Variants in CENPF observed in about 807,000 individuals in gnomAD.
CENPF encodes the protein centromere protein F, also known as AH antigen.
Under a neutral mutation model 307.3 loss-of-function variants are expected in CENPF, and 214 were observed. That is an observed-to-expected ratio of 0.70 (90% confidence interval 0.62 to 0.78). CENPF has a LOEUF of 0.78. Ranked by LOEUF, CENPF falls within the 30% of genes least tolerant of loss-of-function variation. CENPF has a pLI of 0.00. For synonymous variants in CENPF, 1,259 were observed against 1,270.6 expected (o/e 0.99, Z 0.19); for missense variants, 3,401 against 3,483.9 (o/e 0.98, Z 0.60).
Position 214,642,848 on chromosome 1 carries a change from G to A in CENPF, c.4510G>A (p.Gly1504Arg). 1.9e-6 allele frequency: 3 copies of A among 1,614,108 alleles called. No individual in the cohort carries two copies. The change falls in exon 12 of 20, where the codon GGA becomes AGA. Residue 1504 changes from glycine to arginine, a missense_variant. Coordinates refer to ENST00000366955, the MANE Select transcript of CENPF (RefSeq NM_016343.4). ...TTACAGAGCTCTTTTAGAACAGACA[G>A]GAGATATGTCTCTTTTGAGTAATTT... is the stretch of plus-strand genomic sequence containing the variant. ...SFYRALLEQT[G>R]DMSLLSNLEG...
intron 19 of CENPF, 81 bp from the exon 20 acceptor site, chr1:214,663,510 C>A: frequency 7.4e-7 from 1 of 1,357,494 alleles, no homozygotes; most frequent in Non-Finnish European, 1.0e-6. Context: ...TAATTTAAAA[C>A]TTAGTGACAT....
At chr1:214,608,306 G>C in intron 1 of CENPF, 1 of 1,583,540 alleles carries the variant, frequency 6.3e-7, no homozygotes, top group Non-Finnish European at 8.6e-7. Flanking sequence ...CCCCAGGGTT[G>C]CCCTCACCTG....
chr1:214,652,326 CGCCTG>C (rs1658503527), intron 15 of CENPF, among the ~76,000 whole-genome samples: 1 of 151,314 alleles, frequency 6.6e-6, no homozygotes, highest in Non-Finnish European at 1.5e-5. Context: ...TGAGCCACTG[CGCCTG>C]GCCCGGTTGA....
rs996091697 is a variant in CENPF at position 214,663,600 on chromosome 1, G to A, written c.9151G>A (p.Ala3051Thr). ...GATGTTTGTGTTGCAGGTCAAAGTT[G>A]CTCAGCGGAGCCCAGTAGATTCAGG... ...GGSRSQKVKV[A>T]QRSPVDSGTI... The change falls in exon 20 of 20, where the codon GCT (alanine) becomes ACT (threonine). Residue 3051 changes from alanine (A) to threonine (T), a missense_variant. Physicochemically the swap from Ala to Thr is moderately conservative, Grantham distance 58. Coordinates refer to ENST00000366955, the MANE Select transcript of CENPF (RefSeq NM_016343.4). 2 of 1,613,974 alleles carry A rather than the reference G, an allele frequency of 1.2e-6. No individual in the cohort carries two copies. Among genetic ancestry groups the A allele is most frequent in the African/African-American group, 1.3e-5 (1 of 74,926 alleles).
At chr1:214,622,309 G>A (rs1345576104) in intron 7 of CENPF, 28 bp downstream of exon 7, 1 of 1,515,392 alleles carries the variant, frequency 6.6e-7, no homozygotes, top group African/African-American at 1.4e-5. Flanking sequence ...AATTACTGGA[G>A]AAATCTTCAT....
chr1:214,623,044 C>G (rs1003489824), intron 7 of CENPF, among the ~76,000 whole-genome samples: 40 of 152,120 alleles, frequency 2.6e-4, no homozygotes, highest in Non-Finnish European at 5.0e-4. Flanking sequence ...AACCTTGTCT[C>G]TACTACAGGT....
At chr1:214,655,654 G>A (rs1295963003) in intron 17 of CENPF, among the ~76,000 whole-genome samples, 1 of 152,170 alleles carries the variant, frequency 6.6e-6, no homozygotes, top group South Asian at 2.1e-4. Flanking sequence ...TGGGAGTGCA[G>A]TGGTGCCATT....
Position 214,618,657 on chromosome 1 carries a change from T to G in CENPF, c.444T>G (p.Ile148Met). The G allele has an allele frequency of 3.1e-6, 5 of 1,614,024 alleles. No individual in the cohort carries two copies. The highest frequency in any genetic ancestry group is 4.2e-6 in the Non-Finnish European group (5 of 1,179,952). Residue 148 changes from isoleucine (I) to methionine (M), a missense_variant, in exon 4 of 20, where the codon ATT becomes ATG. Coordinates refer to ENST00000366955, the MANE Select transcript of CENPF (RefSeq NM_016343.4). ...SLNPCNTPQK[I>M]FTTPLTPSQY... is the part of the protein sequence containing the mutation. ...ATCCATGCAATACACCACAAAAAATTTTTACAACTCCACTAACACCAAGTC... is the reference window on the plus strand; with the variant it reads ...ATCCATGCAATACACCACAAAAAATGTTTACAACTCCACTAACACCAAGTC...
intron 19 of CENPF, 140 bp from the exon 20 acceptor site, chr1:214,663,451 A>T (rs1658835699): frequency 2.3e-6 from 2 of 853,672 alleles, no homozygotes; most frequent in Admixed American, 2.5e-5. Context: ...CCTGTTCTCA[A>T]GGAAGAGGAA....
At chr1:214,638,949 C>A (rs1658032989) in intron 11 of CENPF, among the ~76,000 whole-genome samples, 1 of 152,204 alleles carries the variant, frequency 6.6e-6, no homozygotes, top group Admixed American at 6.5e-5. Context: ...GTGTTGATCA[C>A]CCAGGTGATT....
At chr1:214,605,740 G>T in intron 1 of CENPF, 1 of 1,594,366 alleles carries the variant, frequency 6.3e-7, no homozygotes, top group African/African-American at 1.3e-5. Flanking sequence ...ACTGGCTGTA[G>T]AGCTCGATGT....
At chr1:214,661,509 G>C (rs1658786202) in intron 19 of CENPF, among the ~76,000 whole-genome samples, 2 of 152,168 alleles carry the variant, frequency 1.3e-5, no homozygotes, top group Admixed American at 6.5e-5. Flanking sequence ...AGTTTCCTAG[G>C]TCATTTAGCA....
chr1:214,642,359 A>G lies in CENPF; in HGVS notation c.4021A>G (p.Lys1341Glu). The change falls in exon 12 of 20, where the codon AAA becomes GAA. Residue 1341 changes from lysine to glutamate, a missense_variant. By Grantham distance (56) the Lys-to-Glu change is moderately conservative. Transcript: ENST00000366955. ...ATRKMAEEVG[K>E]LLNEVKILND... The stretch of plus-strand genomic sequence containing the variant: ...TAGGAAAATGGCAGAAGAGGTAGGG[A>G]AACTACTAAATGAAGTTAAAATATT... 2.5e-6 allele frequency: 4 copies of G among 1,613,162 alleles called. No homozygotes were observed. Among genetic ancestry groups the G allele is most frequent in the Non-Finnish European group, 3.4e-6 (4 of 1,179,730 alleles).
chr1:214,648,952 C>G (rs1190568733), intron 14 of CENPF, 125 bp downstream of exon 14: 1 of 932,248 alleles, frequency 1.1e-6, no homozygotes, highest in Non-Finnish European at 1.6e-6. Context: ...AAAAATAACC[C>G]TGTGCTTATG....
rs1394519735 is a variant in CENPF, at chr1:214,641,174, C to G, written c.2836C>G (p.Leu946Val). The G allele has an allele frequency of 1.7e-5, 27 of 1,604,154 alleles. No individual in the cohort carries two copies. The highest frequency in any genetic ancestry group is 2.2e-5 in the Non-Finnish European group (26 of 1,177,492). Residue 946 changes from leucine (L) to valine (V), a missense_variant, in exon 12 of 20, where the codon CTT becomes GTT. Leu to Val is a conservative substitution (Grantham distance 32, BLOSUM62 1). Coordinates refer to ENST00000366955, the MANE Select transcript of CENPF (RefSeq NM_016343.4). ...LLEDSLKELQ[L>V]LSETLSLEKK... ...TGAAGACTCTCTAAAGGAGCTACAA[C>G]TTTTATCCGAAACCCTAAGCTTGGA... is the stretch of plus-strand genomic sequence containing the variant.
chr1:214,619,285 C>T, intron 5 of CENPF, 65 bp downstream of exon 5: 1 of 821,552 alleles, frequency 1.2e-6, no homozygotes, highest in East Asian at 2.6e-5. Flanking sequence ...TAGAATAGAA[C>T]AAGGTTAGAG....
At chr1:214,661,637 T>G (rs903240267) in intron 19 of CENPF, among the ~76,000 whole-genome samples, 3 of 152,192 alleles carry the variant, frequency 2.0e-5, no homozygotes, top group African/African-American at 7.2e-5. Context: ...CCCTCGTTTG[T>G]TGGGAACAAG....
Position 214,657,102 on chromosome 1 carries a change from G to A in CENPF, c.8655G>A (p.Val2885=), listed in dbSNP as rs779073104. ...CTAAAGAGATGTTAGAGACACAAGTGGCCCATCTGTGTTCACAGCAATCTA... is the reference window on the plus strand; with the variant it reads ...CTAAAGAGATGTTAGAGACACAAGTAGCCCATCTGTGTTCACAGCAATCTA... ...EKAKEMLETQ[V]AHLCSQQSKQ... is the part of the protein sequence containing the mutation. Residue 2885 remains valine, a synonymous_variant, in exon 18 of 20, where the codon GTG becomes GTA. Transcript: ENST00000366955. 6.2e-7 allele frequency: 1 copy of A among 1,614,180 alleles called. No individual in the cohort carries two copies.
At position 214,645,214 on chromosome 1, in the gene CENPF, A is replaced by G. The variant is rs780043602; in HGVS notation, c.5644A>G (p.Ile1882Val). The change falls in exon 13 of 20, where the codon ATT (isoleucine) becomes GTT (valine). Residue 1882 changes from isoleucine to valine, a missense_variant. Ile to Val is a conservative substitution (Grantham distance 29). Coordinates refer to ENST00000366955, the MANE Select transcript of CENPF (RefSeq NM_016343.4). ...MHADKSSRED[I>V]GDNVAKVNDS... ...TGCAGATAAATCATCACGTGAAGATATTGGAGATAATGTGGCCAAGGTGAA... is the reference window on the plus strand; with the variant it reads ...TGCAGATAAATCATCACGTGAAGATGTTGGAGATAATGTGGCCAAGGTGAA... 3 of 1,614,086 alleles carry G rather than the reference A, an allele frequency of 1.9e-6. No individual in the cohort carries two copies. The highest frequency in any genetic ancestry group is 2.5e-6 in the Non-Finnish European group (3 of 1,180,018).
Sources: allele counts gnomAD v4.1 joint callset (sites outside exome capture counted in the v4.1 genomes callset), GRCh38; gene constraint gnomAD v4.1.1; transcripts MANE v1.5; gene names NCBI Gene and HGNC (gene_info 2026-07-23, HGNC 2026-07-21).